The following DAGLB variants were observed in gnomAD, a reference collection of about 807,000 sequenced individuals.
DAGLB encodes diacylglycerol lipase-beta.
Under a neutral mutation model 72.1 loss-of-function variants are expected in DAGLB, and 66 were observed. The observed-to-expected ratio is 0.92, with a 90% CI of 0.75 to 1.12. The LOEUF (loss-of-function observed/expected upper bound fraction) is 1.12, where lower values mean the gene tolerates loss of function less well. DAGLB is among the 50% of genes most tolerant of loss of function. The pLI, the probability that DAGLB is intolerant of heterozygous loss-of-function variation, is 0.00. For missense variants in DAGLB, 1,065 were observed against 884.9 expected (o/e 1.20, Z -2.58); for synonymous variants, 414 against 359.5 (o/e 1.15, Z -1.71).
chr7:6,429,730 G>A (rs1188021069), intron 6 of DAGLB, among the ~76,000 whole-genome samples: 4 of 152,010 alleles, frequency 2.6e-5, no homozygotes, highest in South Asian at 2.1e-4. Context: ...GTGAAACCCC[G>A]TCTCTACTAA....
In DAGLB at chr7:6,426,029, G is replaced by A. The variant is rs751782810; in HGVS notation, c.1015C>T (p.Leu339=). ...HFGSILHTTG[L]QYRDFIHVSF... ...ACGTGGATGAAGTCCCTGTACTGCAGCCCTGTGGTGTGCAGGATGGAGCCG... is the reference window on the plus strand; with the variant it reads ...ACGTGGATGAAGTCCCTGTACTGCAACCCTGTGGTGTGCAGGATGGAGCCG... The change falls in exon 7 of 15, where the codon CTG becomes TTG. Residue 339 remains leucine (L), a synonymous_variant. Transcript: ENST00000297056. 8 of 1,614,042 alleles carry A rather than the reference G, an allele frequency of 5.0e-6. No individual in the cohort carries two copies. The highest frequency in any genetic ancestry group is 1.7e-4 in the Middle Eastern group (1 of 6,036).
chr7:6,427,062 C>T (rs1300977007), intron 6 of DAGLB, among the ~76,000 whole-genome samples: 7 of 152,060 alleles, frequency 4.6e-5, no homozygotes, highest in Admixed American at 2.0e-4. Context: ...GAACTGAGAT[C>T]GCGCCACTGC....
chr7:6,430,756 C>A, intron 5 of DAGLB, 149 bp from the exon 6 acceptor site: 1 of 886,606 alleles, frequency 1.1e-6, no homozygotes, highest in Non-Finnish European at 1.5e-6. Flanking sequence ...CAAAACTGCT[C>A]CTTCAATAAG....
chr7:6,433,545 A>C (rs1228808601), intron 4 of DAGLB, among the ~76,000 whole-genome samples: 1 of 152,174 alleles, frequency 6.6e-6, no homozygotes, highest in African/African-American at 2.4e-5. Context: ...GCCCGTAAGA[A>C]TGGACAATAT....
chr7:6,414,376 G>A (rs985436642), intron 11 of DAGLB, among the ~76,000 whole-genome samples: 4 of 149,064 alleles, frequency 2.7e-5, no homozygotes, highest in African/African-American at 7.5e-5. Context: ...GCAGTGGCAC[G>A]ATCTCGGCTC....
At chr7:6,443,249 T>TAAAA (rs60124255) in intron 2 of DAGLB, among the ~76,000 whole-genome samples, 8 of 78,176 alleles carry the variant, frequency 1.0e-4, no homozygotes, top group East Asian at 6.0e-4. Context: ...TTGTCTCTAC[T>TAAAA]AAAAAAAAAA....
chr7:6,413,102 G>A (rs1343034131), intron 11 of DAGLB, 68 bp from the exon 12 acceptor site: 1 of 1,533,478 alleles, frequency 6.5e-7, no homozygotes, highest in Non-Finnish European at 8.9e-7. Context: ...TTCCATGAAA[G>A]AAATCAGTAA....
chr7:6,416,301 T>G (rs577621483), intron 11 of DAGLB: 23 of 203,692 alleles, frequency 1.1e-4, no homozygotes, highest in Admixed American at 4.3e-4. Context: ...CCCTGCACTT[T>G]GGGAGGCCGA....
In DAGLB at chr7:6,409,750, G is replaced by T; in HGVS notation, c.*87C>A. The T allele has an allele frequency of 7.0e-7, 1 of 1,428,438 alleles. No homozygotes were observed. Among genetic ancestry groups the T allele is most frequent in the South Asian group, 1.3e-5 (1 of 74,406 alleles). 88.5% of individuals were successfully genotyped at this position (1,428,438 alleles called of 1,614,324 possible). ...CTGTTGATGGACATTCGCTGTTTTG[G>T]CGTCATGGGAACTCCTCGGATGGTA... On this transcript the variant is annotated 3_prime_UTR_variant, in exon 15 of 15. Transcript: ENST00000297056.
At chr7:6,432,789 CA>C in intron 5 of DAGLB, 47 bp downstream of exon 5, 1 of 1,583,102 alleles carries the variant, frequency 6.3e-7, no homozygotes, top group Non-Finnish European at 8.6e-7. Context: ...GAAGACCCAC[CA>C]AAAGGTGTAA....
chr7:6,432,422 C>A (rs890390637), intron 5 of DAGLB, among the ~76,000 whole-genome samples: 1 of 150,194 alleles, frequency 6.7e-6, no homozygotes, highest in Non-Finnish European at 1.5e-5. Flanking sequence ...CTTTGGGAGG[C>A]TGAGGTGGGC....
At chr7:6,437,163 ATAAT>A (rs1562487991) in intron 2 of DAGLB, among the ~76,000 whole-genome samples, 5,558 of 136,694 alleles carry the variant, frequency 0.041, 564 homozygotes, top group East Asian at 0.4. Flanking sequence ...CAAAATAATA[ATAAT>A]AATAATAATA....
In DAGLB at chr7:6,415,185, A is replaced by G. The variant is rs976418046; in HGVS notation, c.1427+1442T>C. 4.5e-4 allele frequency among the ~76,000 whole-genome samples: 69 copies of G among 152,056 alleles called. 1 individual carries two copies. The highest frequency in any genetic ancestry group is 1.6e-3 in the African/African-American group (66 of 41,480). On this transcript the variant is annotated intron_variant, in intron 11 of 14. Coordinates refer to ENST00000297056, the MANE Select transcript of DAGLB (RefSeq NM_139179.4). The stretch of plus-strand genomic sequence containing the variant: ...CAATTAAAAAAAAAAAAAAGACAGC[A>G]AGAAAACAGACGACTGAAATTTAAG...
chr7:6,439,853 A>C (rs566488366), intron 2 of DAGLB, among the ~76,000 whole-genome samples: 2 of 151,802 alleles, frequency 1.3e-5, no homozygotes, highest in Non-Finnish European at 2.9e-5. Context: ...GGAGTTCGAG[A>C]CCAGCCTGGC....
At chr7:6,421,682 T>C (rs375445030) in intron 9 of DAGLB, 45 bp downstream of exon 9, 3 of 1,565,100 alleles carry the variant, frequency 1.9e-6, no homozygotes, top group African/African-American at 1.3e-5. Context: ...CCATCTTCTG[T>C]GTGGTCAGCA....
chr7:6,443,992 C>T (rs544192967), intron 2 of DAGLB, among the ~76,000 whole-genome samples: 16 of 152,234 alleles, frequency 1.1e-4, no homozygotes, highest in Non-Finnish European at 1.9e-4. Context: ...GGTGATCAGA[C>T]GCGGTGGTTC....
chr7:6,415,395 T>G (rs750034797), intron 11 of DAGLB, among the ~76,000 whole-genome samples: 8 of 151,912 alleles, frequency 5.3e-5, no homozygotes, highest in Non-Finnish European at 1.0e-4. Flanking sequence ...ACATACTTTT[T>G]AATCATCCCA....
intron 2 of DAGLB, among the ~76,000 whole-genome samples, chr7:6,439,352 G>GCTT (rs1784756656): frequency 6.6e-6 from 1 of 152,094 alleles, no homozygotes; most frequent in Admixed American, 6.6e-5. Context: ...GCCGCAGCAG[G>GCTT]CTTCCTAAGG....
Position 6,416,865 on chromosome 7 carries a change from C to G in DAGLB, c.1275G>C (p.Leu425Phe), listed in dbSNP as rs1783935403. Residue 425 changes from leucine (L) to phenylalanine (F), a missense_variant, in exon 10 of 15, where the codon TTG becomes TTC. Coordinates refer to ENST00000297056, the MANE Select transcript of DAGLB (RefSeq NM_139179.4). The stretch of plus-strand genomic sequence containing the variant: ...CAGGAGCAATGCTGAAGGCTTGGCT[C>G]AAAATCCCGTCGTTGATGAGTCGTT... Reference protein sequence around the residue: ...VYQRLINDGILSQAFSIAPEY... With the variant: ...VYQRLINDGIFSQAFSIAPEY... The G allele has an allele frequency of 2.5e-6, 4 of 1,614,188 alleles. No individual in the cohort carries two copies. The highest frequency in any genetic ancestry group is 1.1e-5 in the South Asian group (1 of 91,078).
Sources: allele counts gnomAD v4.1 joint callset (sites outside exome capture counted in the v4.1 genomes callset), GRCh38; gene constraint gnomAD v4.1.1; transcripts MANE v1.5; gene names NCBI Gene and HGNC (gene_info 2026-07-23, HGNC 2026-07-21).